The following TMC5 variants were observed in gnomAD, a reference collection of about 807,000 sequenced individuals.
TMC5 encodes transmembrane channel-like protein 5.
TMC5 carries 86 observed loss-of-function variants against 110.5 expected under a neutral mutation model. The observed-to-expected ratio is 0.78, with a 90% CI of 0.65 to 0.93. The LOEUF (loss-of-function observed/expected upper bound fraction) is 0.93, where lower values mean the gene tolerates loss of function less well. Ranked by LOEUF, TMC5 falls within the 40% of genes least tolerant of loss-of-function variation. TMC5 has a pLI of 0.00. For missense variants in TMC5, 1,144 were observed against 1,222.8 expected (o/e 0.94, Z 0.96); for synonymous variants, 455 against 439.5 (o/e 1.04, Z -0.44).
chr16:19,437,403 A>G (rs1187214193), intron 2 of TMC5, among the ~76,000 whole-genome samples: 2 of 152,210 alleles, frequency 1.3e-5, no homozygotes, highest in Non-Finnish European at 2.9e-5. Context: ...CCCAGGGAAA[A>G]GTGTTAACCA....
chr16:19,429,992 G>A (rs1223665506), intron 1 of TMC5, among the ~76,000 whole-genome samples: 3 of 151,662 alleles, frequency 2.0e-5, no homozygotes, highest in African/African-American at 7.3e-5. Context: ...CTGCGGACTG[G>A]GACTTGAACA....
In TMC5 at chr16:19,496,987, G is replaced by A. The variant is rs1969072899; in HGVS notation, c.2932-134G>A. Reference sequence around the variant, plus strand: ...ACATGTTCAATATTTCTATGGCGGAGACTTGGCCTTAATCTCTCATCCCTT... The same window carrying A: ...ACATGTTCAATATTTCTATGGCGGAAACTTGGCCTTAATCTCTCATCCCTT... On this transcript the variant is annotated intron_variant, in intron 20 of 21. Coordinates refer to ENST00000542583, the MANE Select transcript of TMC5 (RefSeq NM_001261841.2). 23 of 743,104 alleles carry A rather than the reference G, an allele frequency of 3.1e-5. No individual in the cohort carries two copies. In the South Asian group the frequency reaches 3.8e-4, roughly 12 times the overall value. The allele number at this position is 743,104 out of a possible 1,614,324, so 46.0% of individuals were successfully genotyped here.
At chr16:19,458,735 C>T (rs74011403) in intron 5 of TMC5, among the ~76,000 whole-genome samples, 2,201 of 152,248 alleles carry the variant, frequency 0.014, 55 homozygotes, top group African/African-American at 0.049. Flanking sequence ...ATCTACTCAC[C>T]CTTCCTACCC....
intron 5 of TMC5, among the ~76,000 whole-genome samples, chr16:19,456,212 A>AT (rs1383190024): frequency 4.9e-5 from 7 of 143,308 alleles, no homozygotes; most frequent in African/African-American, 2.0e-4. Context: ...ATCTCAAAAA[A>AT]AAAAATATAT....
In TMC5 at chr16:19,444,105, C is replaced by A. The variant is rs1217657369; in HGVS notation, c.813C>A (p.Ile271=). 3 of 1,613,958 alleles carry A rather than the reference C, an allele frequency of 1.9e-6. No individual in the cohort carries two copies. The highest frequency in any genetic ancestry group is 2.7e-5 in the African/African-American group (2 of 74,920). The change falls in exon 4 of 22, where the codon ATC becomes ATA. Residue 271 remains isoleucine (I), a synonymous_variant. Coordinates refer to ENST00000542583, the MANE Select transcript of TMC5 (RefSeq NM_001261841.2). The part of the protein sequence containing the change: ...TRGVLSRTSS[I]QPSFRHRSDD... ...GGGTGCTCAGCAGAACATCTTCAAT[C>A]CAGCCCTCATTTCGTCACAGGAGTG...
rs146783527 is a variant in TMC5 at position 19,449,699 on chromosome 16, G to A, written c.1048+68G>A. ...TTTCAAATTGTAATCCCCATGTGTCGGGGGAGAGACCTGGTGGGAGGTGAT... is the reference window on the plus strand; with the variant it reads ...TTTCAAATTGTAATCCCCATGTGTCAGGGGAGAGACCTGGTGGGAGGTGAT... On this transcript the variant is annotated intron_variant, in intron 5 of 21. Coordinates refer to ENST00000542583, the MANE Select transcript of TMC5 (RefSeq NM_001261841.2). 331 of 1,408,144 alleles carry A rather than the reference G, an allele frequency of 2.4e-4. 2 individuals are homozygous for A. The East Asian group carries it at 4.3e-3, about 18-fold the overall frequency. 87.2% of individuals were successfully genotyped at this position (1,408,144 alleles called of 1,614,324 possible).
chr16:19,490,828 T>G (rs1968876885), intron 18 of TMC5, among the ~76,000 whole-genome samples: 1 of 139,182 alleles, frequency 7.2e-6, no homozygotes, highest in Admixed American at 7.1e-5. Flanking sequence ...CCTTTCTCCC[T>G]TCCCTTTCCT....
intron 5 of TMC5, among the ~76,000 whole-genome samples, chr16:19,453,602 A>C (rs1169440811): frequency 2.6e-5 from 4 of 151,104 alleles, no homozygotes; most frequent in Non-Finnish European, 5.9e-5. Context: ...AAAAAAAAAA[A>C]GAAGAAAAAA....
chr16:19,413,248 G>A (rs1334109955), upstream of TMC5, among the ~76,000 whole-genome samples: 2 of 152,078 alleles, frequency 1.3e-5, no homozygotes. Context: ...GGCAGGCTGG[G>A]CATGGTTACT....
chr16:19,463,163 C>G (rs1403664313), intron 6 of TMC5, 117 bp from the exon 7 acceptor site: 1 of 760,676 alleles, frequency 1.3e-6, no homozygotes, highest in Non-Finnish European at 2.3e-6. Context: ...CTCAGTGATC[C>G]TCTTGCCTCA....
At chr16:19,454,528 T>C (rs1469861151) in intron 5 of TMC5, among the ~76,000 whole-genome samples, 6 of 152,224 alleles carry the variant, frequency 3.9e-5, no homozygotes, top group Non-Finnish European at 8.8e-5. Context: ...TTGATTTTAA[T>C]ATCTACTTCA....
intron 15 of TMC5, among the ~76,000 whole-genome samples, chr16:19,483,261 A>C (rs1050976611): frequency 2.6e-5 from 4 of 152,294 alleles, no homozygotes; most frequent in Admixed American, 6.5e-5. Flanking sequence ...GAGCTCAGGC[A>C]ATCTTCCTGC....
At chr16:19,413,523 C>CAAAAAAAAA (rs869158130), upstream of TMC5, among the ~76,000 whole-genome samples, 18 of 52,978 alleles carry the variant, frequency 3.4e-4, 2 homozygotes, top group African/African-American at 7.8e-4. Context: ...AACCCTGCCT[C>CAAAAAAAAA]AAAAAAAAAA....
At chr16:19,465,495 C>T (rs1243091091) in intron 8 of TMC5, among the ~76,000 whole-genome samples, 1 of 152,078 alleles carries the variant, frequency 6.6e-6, no homozygotes, top group Non-Finnish European at 1.5e-5. Context: ...TGCCATTGCA[C>T]TCCAGCCTGA....
intron 18 of TMC5, among the ~76,000 whole-genome samples, 158 bp from the exon 19 acceptor site, chr16:19,491,992 T>C (rs1968919176): frequency 6.6e-6 from 1 of 152,220 alleles, no homozygotes; most frequent in South Asian, 2.1e-4. Context: ...ATTGTTCCAA[T>C]GTATTTAACC....
chr16:19,443,542 G>A (rs898527991), intron 3 of TMC5, among the ~76,000 whole-genome samples: 1 of 152,184 alleles, frequency 6.6e-6, no homozygotes, highest in Non-Finnish European at 1.5e-5. Context: ...TGTCTAAGAA[G>A]CTGTACCAAC....
chr16:19,434,362 T>C (rs1477192512), intron 2 of TMC5, among the ~76,000 whole-genome samples: 12 of 98,650 alleles, frequency 1.2e-4, no homozygotes, highest in Non-Finnish European at 2.0e-4. Flanking sequence ...CTATATTATA[T>C]ATATAATATA....
intron 5 of TMC5, 33 bp from the exon 6 acceptor site, chr16:19,460,202 A>G (rs987658707): frequency 6.5e-7 from 1 of 1,549,358 alleles, no homozygotes; most frequent in African/African-American, 1.4e-5. Context: ...GTTAAAGAAA[A>G]AAGAAATTAA....
intron 20 of TMC5, among the ~76,000 whole-genome samples, chr16:19,495,888 C>A (rs1015281267): frequency 6.6e-6 from 1 of 151,990 alleles, no homozygotes; most frequent in African/African-American, 2.4e-5. Context: ...ATCCCCAGCA[C>A]TTTGGGAGGC....
Sources: gnomAD v4.1 joint callset for allele counts (sites outside exome capture counted in the v4.1 genomes callset) on GRCh38, gnomAD v4.1.1 for gene constraint, MANE v1.5 for transcripts, NCBI Gene and HGNC (gene_info 2026-07-23, HGNC 2026-07-21) for gene names.